The following IL10RA variants were observed in gnomAD, a reference collection of about 807,000 sequenced individuals.
IL10RA encodes the protein interleukin 10 receptor subunit alpha.
IL10RA carries 18 observed loss-of-function variants against 29.6 expected under a neutral mutation model. That is an observed-to-expected ratio of 0.61 (90% CI 0.42 to 0.90). The LOEUF (loss-of-function observed/expected upper bound fraction) is 0.90, where lower values mean the gene tolerates loss of function less well. Ranked by LOEUF, IL10RA falls within the 40% of genes least tolerant of loss-of-function variation. The pLI is 0.00. For synonymous variants in IL10RA, 292 were observed against 294.1 expected, an observed-to-expected ratio of 0.99 and a Z score of 0.07; for missense variants, 634 against 716.6, an observed-to-expected ratio of 0.88 and a Z score of 1.32.
Position 118,001,220 on chromosome 11 carries a change from T to C in IL10RA, c.*1579T>C, listed in dbSNP as rs1388380629. ...TCATTTATTTATTGGAGAGGCAGCA[T>C]TGCACAGTGAAAGAATTCTGGATAT... On this transcript the variant is annotated 3_prime_UTR_variant, in exon 7 of 7. Coordinates refer to ENST00000227752, the MANE Select transcript of IL10RA (RefSeq NM_001558.4). 3 of 454,208 alleles carry C rather than the reference T, an allele frequency of 6.6e-6. No homozygotes were observed. The highest frequency in any genetic ancestry group is 1.3e-5 in the Non-Finnish European group (3 of 226,796). 28.1% of individuals were successfully genotyped at this position (454,208 alleles called of 1,614,324 possible).
At chr11:117,986,775 A>G (rs1266836765) in intron 1 of IL10RA, 12 of 1,524,786 alleles carry the variant, frequency 7.9e-6, no homozygotes, top group Non-Finnish European at 1.1e-5. Context: ...CAAACCCCCA[A>G]CCCGCAAACC....
chr11:117,998,210 G>A (rs947120813), intron 6 of IL10RA, among the ~76,000 whole-genome samples: 10 of 152,304 alleles, frequency 6.6e-5, no homozygotes, highest in Middle Eastern at 3.4e-3. Flanking sequence ...AGGCAGGAGG[G>A]CATAGACTGG....
rs886047707 is a variant in IL10RA at position 117,986,547 on chromosome 11, G to A, written c.67+13G>A. 2.9e-5 allele frequency: 45 copies of A among 1,552,198 alleles called. No individual in the cohort carries two copies. Among genetic ancestry groups the A allele is most frequent in the Non-Finnish European group, 3.7e-5 (43 of 1,147,542 alleles). ...TCAGACGCTCATGGTAAGGCTCCGG[G>A]ACGCGGCCCTTCCCTGCCCTGCCCT... On this transcript the variant is annotated intron_variant, in intron 1 of 6. Coordinates refer to ENST00000227752, the MANE Select transcript of IL10RA (RefSeq NM_001558.4).
chr11:117,998,716 T>C lies in IL10RA; in HGVS notation c.812T>C (p.Leu271Pro). 6.2e-7 allele frequency: 1 copy of C among 1,613,958 alleles called. No homozygotes were observed. The highest frequency in any genetic ancestry group is 8.5e-7 in the Non-Finnish European group (1 of 1,179,894). The stretch of plus-strand genomic sequence containing the variant: ...CTCACTCTGCCCTCTCTTCCCCAGC[T>C]CTTCAAGAAGCCCAGCCCCTTCATC... ...RRRKKLPSVL[L>P]FKKPSPFIFI... Residue 271 changes from leucine to proline, a missense_variant and splice_region_variant, in exon 7 of 7, where the codon CTC (leucine) becomes CCC (proline). By Grantham distance (98) the Leu-to-Pro change is moderately conservative. Transcript: ENST00000227752.
chr11:117,991,657 T>C (rs972407023), intron 3 of IL10RA, among the ~76,000 whole-genome samples: 9 of 152,224 alleles, frequency 5.9e-5, no homozygotes, highest in Non-Finnish European at 1.3e-4. Flanking sequence ...TGAGATCTTA[T>C]GGCATTTATC....
rs1414190221 is a variant in IL10RA at position 117,988,381 on chromosome 11, G to A, written c.68-1G>A. On this transcript the variant is annotated splice_acceptor_variant, in intron 1 of 6. Coordinates refer to ENST00000227752, the MANE Select transcript of IL10RA (RefSeq NM_001558.4). LOFTEE classifies it high-confidence loss of function. ...TGTGGTACTGACACTCTTCTCCCCA[G>A]GGACAGAGCTGCCCAGCCCTCCGTC... 5 of 1,613,980 alleles carry A rather than the reference G, an allele frequency of 3.1e-6. No individual in the cohort carries two copies. The highest frequency in any genetic ancestry group is 4.2e-6 in the Non-Finnish European group (5 of 1,180,008).
intron 5 of IL10RA, chr11:117,995,225 T>G: frequency 2.7e-6 from 1 of 366,390 alleles, no homozygotes; most frequent in African/African-American, 2.1e-5. Flanking sequence ...TGTCCACAAT[T>G]GCACAGCTAG....
At position 117,999,066 on chromosome 11, in the gene IL10RA, G is replaced by A; in HGVS notation, c.1162G>A (p.Glu388Lys). 1.9e-6 allele frequency: 3 copies of A among 1,611,724 alleles called. No homozygotes were observed. Among genetic ancestry groups the A allele is most frequent in the Non-Finnish European group, 2.5e-6 (3 of 1,178,036 alleles). The change falls in exon 7 of 7, where the codon GAG becomes AAG. Residue 388 changes from glutamate (E) to lysine (K), a missense_variant. Coordinates refer to ENST00000227752, the MANE Select transcript of IL10RA (RefSeq NM_001558.4). ...SLSPSTGPTW[E>K]QQVGSNSRGQ... Reference sequence around the variant, plus strand: ...GAGCCCCAGCACAGGGCCCACCTGGGAGCAACAGGTGGGGAGCAACAGCAG... The same window carrying A: ...GAGCCCCAGCACAGGGCCCACCTGGAAGCAACAGGTGGGGAGCAACAGCAG...
intron 6 of IL10RA, among the ~76,000 whole-genome samples, chr11:117,996,023 A>C (rs2058053667): frequency 6.6e-6 from 1 of 152,196 alleles, no homozygotes; most frequent in African/African-American, 2.4e-5. Flanking sequence ...TGTGCATTGC[A>C]TCTCTGATTA....
chr11:118,000,743 G>T lies in IL10RA; in HGVS notation c.*1102G>T. 1 of 454,270 alleles carries T rather than the reference G, an allele frequency of 2.2e-6. No homozygotes were observed. The highest frequency in any genetic ancestry group is 4.4e-6 in the Non-Finnish European group (1 of 226,790). The allele number at this position is 454,270 out of a possible 1,614,324, so 28.1% of individuals were successfully genotyped here. On this transcript the variant is annotated 3_prime_UTR_variant, in exon 7 of 7. Transcript: ENST00000227752. Reference sequence around the variant, plus strand: ...CACCTTTAGGGGACCCTCCATGTTTGCTGGGTATTAGCCAAGCTGGTCCTG... The same window carrying T: ...CACCTTTAGGGGACCCTCCATGTTTTCTGGGTATTAGCCAAGCTGGTCCTG...
chr11:117,995,724 G>A lies in IL10RA; in HGVS notation c.810+14G>A. On this transcript the variant is annotated intron_variant, in intron 6 of 6. Transcript: ENST00000227752. ...CCCAGTGTCCTGGTGAGTCTTGCAA[G>A]GAGGTCACTGCCCCGTCCTTCCCAG... 1 of 1,611,552 alleles carries A rather than the reference G, an allele frequency of 6.2e-7. No individual in the cohort carries two copies.
At chr11:117,998,346 C>A (rs899371096) in intron 6 of IL10RA, among the ~76,000 whole-genome samples, 1 of 152,146 alleles carries the variant, frequency 6.6e-6, no homozygotes, top group South Asian at 2.1e-4. Flanking sequence ...CAACTTATTT[C>A]TGATTTTGAG....
chr11:117,995,409 GC>G (rs1211826683), intron 5 of IL10RA, 179 bp from the exon 6 acceptor site: 3 of 717,794 alleles, frequency 4.2e-6, no homozygotes, highest in Non-Finnish European at 7.3e-6. Context: ...GGTTTGGAAG[GC>G]CAGGTAGGGA....
In IL10RA at chr11:117,999,689, C is replaced by T; in HGVS notation, c.*48C>T. 1 of 1,539,184 alleles carries T rather than the reference C, an allele frequency of 6.5e-7. No homozygotes were observed. Among genetic ancestry groups the T allele is most frequent in the African/African-American group, 1.4e-5 (1 of 73,648 alleles). On this transcript the variant is annotated 3_prime_UTR_variant, in exon 7 of 7. Transcript: ENST00000227752. ...GATTTTAGCCATGCCTGCTCCTCTG[C>T]CTGGACCAGGAGGAGGGCCCCTGGG...
At chr11:117,988,636 G>A in intron 2 of IL10RA, 134 bp downstream of exon 2, 1 of 977,428 alleles carries the variant, frequency 1.0e-6, no homozygotes, top group Non-Finnish European at 1.6e-6. Flanking sequence ...GCCAGCAGTT[G>A]ACAAGTACTG....
At chr11:117,990,963 A>T (rs2134985131) in intron 3 of IL10RA, among the ~76,000 whole-genome samples, 1 of 152,222 alleles carries the variant, frequency 6.6e-6, no homozygotes, top group South Asian at 2.1e-4. Flanking sequence ...TTGGGAGGCC[A>T]AGGTGGGTGG....
At chr11:117,995,760 G>A in intron 6 of IL10RA, 50 bp downstream of exon 6, 1 of 1,599,528 alleles carries the variant, frequency 6.3e-7, no homozygotes, top group Non-Finnish European at 8.5e-7. Context: ...CCACACCCGA[G>A]CTTCCAGGAG....
intron 6 of IL10RA, among the ~76,000 whole-genome samples, chr11:117,996,732 A>C (rs1392683144): frequency 6.6e-6 from 1 of 152,240 alleles, no homozygotes; most frequent in Non-Finnish European, 1.5e-5. Flanking sequence ...CTGGGATTAC[A>C]GGCATCTGCC....
chr11:117,988,630 G>A, intron 2 of IL10RA, 128 bp downstream of exon 2: 2 of 1,074,464 alleles, frequency 1.9e-6, no homozygotes, highest in Non-Finnish European at 1.4e-6. Context: ...CACATAGCCA[G>A]CAGTTGACAA....
Sources: gnomAD v4.1 joint callset for allele counts (sites outside exome capture counted in the v4.1 genomes callset) on GRCh38, gnomAD v4.1.1 for gene constraint, MANE v1.5 for transcripts, NCBI Gene and HGNC (gene_info 2026-07-23, HGNC 2026-07-21) for gene names.